The following CSMD1 variants were observed in gnomAD, a reference collection of about 807,000 sequenced individuals.
CSMD1 encodes CUB and sushi domain-containing protein 1.
CSMD1 carries 213 observed loss-of-function variants against 417.5 expected under a neutral mutation model. The observed-to-expected ratio is 0.51, with a 90% CI of 0.46 to 0.57. CSMD1 has a LOEUF of 0.57. Among genes scored for constraint, CSMD1 ranks in the 20% least tolerant of loss-of-function variants. The pLI is 0.00. For synonymous variants in CSMD1, 2,862 were observed against 1,736.8 expected (o/e 1.65, Z -16.11); for missense variants, 6,923 against 4,529.7 (o/e 1.53, Z -15.17).
At chr8:4,811,901 T>C (rs996210902) in intron 1 of CSMD1, among the ~76,000 whole-genome samples, 18 of 152,140 alleles carry the variant, frequency 1.2e-4, no homozygotes, top group Non-Finnish European at 1.9e-4. Flanking sequence ...CCCTAATGAA[T>C]TGACTGTTTC....
intron 5 of CSMD1, among the ~76,000 whole-genome samples, chr8:3,967,572 C>T (rs752727350): frequency 6.6e-6 from 1 of 152,152 alleles, no homozygotes; most frequent in Non-Finnish European, 1.5e-5. Flanking sequence ...ATATCACCAG[C>T]TTGACCTCTG....
intron 12 of CSMD1, among the ~76,000 whole-genome samples, chr8:3,444,419 T>A (rs1290469026): frequency 6.6e-6 from 1 of 152,218 alleles, no homozygotes; most frequent in Non-Finnish European, 1.5e-5. Flanking sequence ...ATTCATGAGT[T>A]CTTTCCTAAC....
intron 26 of CSMD1, among the ~76,000 whole-genome samples, chr8:3,252,818 C>CA (rs1319095918): frequency 1.3e-5 from 2 of 152,110 alleles, no homozygotes; most frequent in Non-Finnish European, 2.9e-5. Flanking sequence ...GAAATTTATC[C>CA]ATTTCTTCTA....
At chr8:3,280,461 A>C (rs1173988612) in intron 26 of CSMD1, among the ~76,000 whole-genome samples, 1 of 152,256 alleles carries the variant, frequency 6.6e-6, no homozygotes, top group Non-Finnish European at 1.5e-5. Context: ...TTTCCTTTCA[A>C]TAAACTTCTA....
chr8:4,234,472 A>C lies in CSMD1; in HGVS notation c.415+185481T>G, dbSNP rs777675126. ...GTCCATTTCTCTGTGTGGCCATTTG[A>C]GACCTGCTTATCCTTGAGGTCTGAA... On this transcript the variant is annotated intron_variant, in intron 3 of 69. Coordinates refer to ENST00000635120, the MANE Select transcript of CSMD1 (RefSeq NM_033225.6). Among the ~76,000 whole-genome samples the C allele has an allele frequency of 7.9e-5, 12 of 152,260 alleles. No individual in the cohort carries two copies. The South Asian group carries it at 2.5e-3, about 32-fold the overall frequency.
intron 1 of CSMD1, among the ~76,000 whole-genome samples, chr8:4,677,358 T>G (rs2130965253): frequency 6.6e-6 from 1 of 152,212 alleles, no homozygotes; most frequent in South Asian, 2.1e-4. Flanking sequence ...CCTATTTATT[T>G]ATCTTGGATA....
intron 41 of CSMD1, among the ~76,000 whole-genome samples, chr8:3,131,284 G>A (rs1430231093): frequency 6.6e-6 from 1 of 151,438 alleles, no homozygotes; most frequent in South Asian, 2.1e-4. Flanking sequence ...ATCTGCACAT[G>A]TATACATATG....
intron 1 of CSMD1, among the ~76,000 whole-genome samples, chr8:4,881,103 C>T (rs1297170362): frequency 2.0e-5 from 3 of 152,038 alleles, no homozygotes; most frequent in African/African-American, 2.4e-5. Flanking sequence ...ATTGTTCTTC[C>T]CCTATTAATA....
chr8:4,947,939 C>A (rs1434234153), intron 1 of CSMD1, among the ~76,000 whole-genome samples: 1 of 151,810 alleles, frequency 6.6e-6, no homozygotes, highest in Non-Finnish European at 1.5e-5. Context: ...GTGCTTTGTG[C>A]GTTTATTCCT....
At chr8:4,869,077 T>C (rs28502793) in intron 1 of CSMD1, among the ~76,000 whole-genome samples, 2 of 152,004 alleles carry the variant, frequency 1.3e-5, no homozygotes, top group South Asian at 4.1e-4. Flanking sequence ...AGTTGAATTT[T>C]AAAAGAGAAA....
intron 26 of CSMD1, among the ~76,000 whole-genome samples, chr8:3,240,959 A>G (rs1321905335): frequency 1.3e-5 from 2 of 151,790 alleles, no homozygotes; most frequent in Admixed American, 6.6e-5. Context: ...GGGATGGGAT[A>G]TTGGCATTGA....
intron 1 of CSMD1, among the ~76,000 whole-genome samples, chr8:4,967,424 G>T (rs1022666602): frequency 2.6e-5 from 4 of 152,072 alleles, no homozygotes; most frequent in African/African-American, 9.7e-5. Flanking sequence ...AACTACATTA[G>T]TAAGCACTAC....
intron 3 of CSMD1, among the ~76,000 whole-genome samples, chr8:4,372,198 C>A (rs1242858637): frequency 6.6e-6 from 1 of 152,122 alleles, no homozygotes; most frequent in Non-Finnish European, 1.5e-5. Context: ...CAGTATTAGC[C>A]ATTAAGGTAT....
chr8:3,005,935 G>C (rs1481675330), intron 52 of CSMD1, among the ~76,000 whole-genome samples: 1 of 152,092 alleles, frequency 6.6e-6, no homozygotes, highest in Non-Finnish European at 1.5e-5. Context: ...AATTAGGCAG[G>C]AGAAGGAAAT....
chr8:4,378,848 A>T (rs1424809962), intron 3 of CSMD1, among the ~76,000 whole-genome samples: 1 of 152,166 alleles, frequency 6.6e-6, no homozygotes, highest in Admixed American at 6.6e-5. Flanking sequence ...TAGAAGGCAT[A>T]ATCTATGAAA....
At chr8:3,340,062 C>T (rs892329218) in intron 23 of CSMD1, among the ~76,000 whole-genome samples, 1 of 152,178 alleles carries the variant, frequency 6.6e-6, no homozygotes, top group Admixed American at 6.5e-5. Context: ...CCAGGCAATT[C>T]CTCTGCATGT....
intron 1 of CSMD1, among the ~76,000 whole-genome samples, chr8:4,920,966 GAAAGAAAGAAAGAAAC>G (rs201843187): frequency 0.37 from 3,060 of 8,310 alleles, 442 homozygotes; most frequent in East Asian, 0.45. Flanking sequence ...AAGAAAGAAA[GAAAGAAAGAAAGAAAC>G]AAAGAAAGAA....
intron 3 of CSMD1, among the ~76,000 whole-genome samples, chr8:4,405,253 A>G (rs529044296): frequency 1.3e-5 from 2 of 152,380 alleles, no homozygotes; most frequent in South Asian, 2.1e-4. Flanking sequence ...TTAGCTTGGA[A>G]AAGAGAAGTC....
rs1248687703 is a variant in CSMD1, at chr8:3,468,783, C to T, written c.1490G>A (p.Ser497Asn). The change falls in exon 12 of 70, where the codon AGC becomes AAC. Residue 497 changes from serine to asparagine, a missense_variant. By Grantham distance (46) the Ser-to-Asn change is conservative. Transcript: ENST00000635120. The part of the protein sequence containing the change: ...SSVPDLIVSM[S>N]NQMWLHLQSD... ...CTGCAGATGTAGCCACATCTGGTTGCTCATGCTCACAATGAGGTCAGGAAC... is the reference window on the plus strand; with the variant it reads ...CTGCAGATGTAGCCACATCTGGTTGTTCATGCTCACAATGAGGTCAGGAAC... 6.2e-7 allele frequency: 1 copy of T among 1,605,032 alleles called. No homozygotes were observed. Among genetic ancestry groups the T allele is most frequent in the Non-Finnish European group, 8.5e-7 (1 of 1,175,924 alleles).
Sources: gnomAD v4.1 joint callset for allele counts (sites outside exome capture counted in the v4.1 genomes callset) on GRCh38, gnomAD v4.1.1 for gene constraint, MANE v1.5 for transcripts, NCBI Gene and HGNC (gene_info 2026-07-23, HGNC 2026-07-21) for gene names.